ITGA3: variants seen among roughly 807,000 people sequenced by gnomAD.
ITGA3 encodes the protein integrin alpha-3.
A neutral mutation model predicts 131.1 loss-of-function variants in ITGA3; 70 were observed. The observed-to-expected ratio is 0.53, with a 90% CI of 0.44 to 0.65. The LOEUF (loss-of-function observed/expected upper bound fraction) is 0.65, where lower values mean the gene tolerates loss of function less well. Ranked by LOEUF, ITGA3 falls within the 30% of genes least tolerant of loss-of-function variation. The pLI, the probability that ITGA3 is intolerant of heterozygous loss-of-function variation, is 0.00. For synonymous variants in ITGA3, 537 were observed against 571.6 expected (o/e 0.94, Z 0.86); for missense variants, 1,098 against 1,388.6 (o/e 0.79, Z 3.33).
rs758551924 is a variant in ITGA3 at position 50,078,964 on chromosome 17, A to T, written c.2400+38A>T. The T allele has an allele frequency of 1.2e-5, 18 of 1,525,610 alleles. No homozygotes were observed. The Admixed American group carries it at 1.3e-4, about 11-fold the overall frequency. The allele number at this position is 1,525,610 out of a possible 1,614,324, so 94.5% of individuals were successfully genotyped here. The stretch of plus-strand genomic sequence containing the variant: ...CCAGAGTCCTGGGCTGGGGACTTCT[A>T]GGAAGGATTATTTTTATTTTCTCTG... On this transcript the variant is annotated intron_variant, in intron 19 of 25. Coordinates refer to ENST00000320031, the MANE Select transcript of ITGA3 (RefSeq NM_002204.4).
In ITGA3 at chr17:50,076,313, C is replaced by T. The variant is rs1908886597; in HGVS notation, c.1675-13C>T. 1 of 1,611,830 alleles carries T rather than the reference C, an allele frequency of 6.2e-7. No individual in the cohort carries two copies. The highest frequency in any genetic ancestry group is 1.3e-5 in the African/African-American group (1 of 74,966). The stretch of plus-strand genomic sequence containing the variant: ...CAGTGCAGGGCCGGGCTCAGCTCAC[C>T]CTCTCTCCCCAGGACAACCTCCGTG... On this transcript the variant is annotated splice_polypyrimidine_tract_variant and intron_variant, in intron 12 of 25. Transcript: ENST00000320031.
chr17:50,081,610 T>C (rs1276347002), intron 23 of ITGA3, among the ~76,000 whole-genome samples: 1 of 152,170 alleles, frequency 6.6e-6, no homozygotes, highest in Non-Finnish European at 1.5e-5. Context: ...CCGGGATTGC[T>C]GTGTTTAAAG....
chr17:50,056,236 G>A lies in ITGA3; in HGVS notation c.-204G>A. 2.2e-6 allele frequency: 1 copy of A among 459,168 alleles called. No individual in the cohort carries two copies. Among genetic ancestry groups the A allele is most frequent in the Non-Finnish European group, 3.8e-6 (1 of 263,698 alleles). 28.4% of individuals were successfully genotyped at this position (459,168 alleles called of 1,614,324 possible). A position where few individuals can be genotyped will look rare whatever the true frequency, so the allele number is the denominator to read the frequency against. ...CGGCCGCTGGGGAGGCAGGAAGATAGACCCACGGATCTTAGGAAGGGATCC... is the reference window on the plus strand; with the variant it reads ...CGGCCGCTGGGGAGGCAGGAAGATAAACCCACGGATCTTAGGAAGGGATCC... On this transcript the variant is annotated 5_prime_UTR_variant, in exon 1 of 26. Coordinates refer to ENST00000320031, the MANE Select transcript of ITGA3 (RefSeq NM_002204.4). This position sits in a 1 kb window ranked among gnomAD's most constrained non-coding sequence, Gnocchi z 5.6.
At chr17:50,088,821 A>G (rs1270496911) in intron 25 of ITGA3, among the ~76,000 whole-genome samples, 2 of 152,144 alleles carry the variant, frequency 1.3e-5, no homozygotes, top group Non-Finnish European at 2.9e-5. Flanking sequence ...CATTGTGGTC[A>G]GGGTAGACTG....
chr17:50,058,117 A>T (rs80126258), intron 1 of ITGA3, among the ~76,000 whole-genome samples: 190 of 152,350 alleles, frequency 1.2e-3, no homozygotes, highest in African/African-American at 3.5e-3. Context: ...GACTGGAAAG[A>T]AAGAGTCAAT....
At chr17:50,080,122 G>A (rs1909116711) in intron 21 of ITGA3, 140 bp from the exon 22 acceptor site, 3 of 574,282 alleles carry the variant, frequency 5.2e-6, no homozygotes, top group Non-Finnish European at 9.3e-6. Flanking sequence ...GGGGACGTGT[G>A]CATGAGTGAA....
In ITGA3 at chr17:50,064,763, C is replaced by G; in HGVS notation, c.414+156C>G. On this transcript the variant is annotated intron_variant, in intron 3 of 25. Transcript: ENST00000320031. The surrounding 1 kb of genome is among the most constrained non-coding windows in gnomAD (Gnocchi z 4.4). ...TTCCTGTGGCTGTGTGTCCCTCGCT[C>G]TCTGCACTCCTGGGGAGGGGGTGAG... 1.7e-6 allele frequency: 1 copy of G among 596,488 alleles called. No individual in the cohort carries two copies. Among genetic ancestry groups the G allele is most frequent in the Non-Finnish European group, 2.9e-6 (1 of 340,760 alleles). The allele number at this position is 596,488 out of a possible 1,614,324, so 36.9% of individuals were successfully genotyped here. A position where few individuals can be genotyped will look rare whatever the true frequency, so the allele number is the denominator to read the frequency against.
chr17:50,087,998 C>T (rs1909539989), intron 24 of ITGA3, 129 bp downstream of exon 24: 4 of 1,333,540 alleles, frequency 3.0e-6, no homozygotes, highest in Non-Finnish European at 4.0e-6. Context: ...CTGTCCTCTC[C>T]ACCTTCTACC....
Position 50,064,686 on chromosome 17 carries a change from G to T in ITGA3, c.414+79G>T. On this transcript the variant is annotated intron_variant, in intron 3 of 25. Transcript: ENST00000320031. The surrounding 1 kb of genome is among the most constrained non-coding windows in gnomAD (Gnocchi z 4.4). The stretch of plus-strand genomic sequence containing the variant: ...CTCCAGAGCTGGGAGGAAAGAAGAG[G>T]GCAGCAGGGGGGTCCACGGCGCGTG... 1 of 1,233,818 alleles carries T rather than the reference G, an allele frequency of 8.1e-7. No individual in the cohort carries two copies. Among genetic ancestry groups the T allele is most frequent in the South Asian group, 1.4e-5 (1 of 72,326 alleles). 76.4% of individuals were successfully genotyped at this position (1,233,818 alleles called of 1,614,324 possible). A position where few individuals can be genotyped will look rare whatever the true frequency, so the allele number is the denominator to read the frequency against.
rs1908229739 is a variant in ITGA3, at chr17:50,064,340, GC to G, written c.334+139del. The G allele has an allele frequency of 1.6e-6, 2 of 1,257,948 alleles. No homozygotes were observed. Among genetic ancestry groups the G allele is most frequent in the Non-Finnish European group, 2.2e-6 (2 of 906,722 alleles). The allele number at this position is 1,257,948 out of a possible 1,614,324, so 77.9% of individuals were successfully genotyped here. On this transcript the variant is annotated intron_variant, in intron 2 of 25. Transcript: ENST00000320031. This position sits in a 1 kb window ranked among gnomAD's most constrained non-coding sequence, Gnocchi z 4.4. ...CTTCTTGTCCAGCTGGGAAGAGGGT[GC>G]CCTAGAGGAGAGTGGGGCTGGATGG...
intron 22 of ITGA3, 60 bp downstream of exon 22, chr17:50,080,435 G>A: frequency 1.1e-6 from 1 of 951,246 alleles, no homozygotes; most frequent in Non-Finnish European, 1.6e-6. Flanking sequence ...GAACAACAGG[G>A]AGAGGGCGAG....
intron 7 of ITGA3, among the ~76,000 whole-genome samples, chr17:50,073,366 G>A (rs1908713769): frequency 1.3e-5 from 2 of 152,126 alleles, no homozygotes; most frequent in Admixed American, 6.5e-5. Flanking sequence ...ACAACTCTGG[G>A]TTTTTGGAGT....
In ITGA3 at chr17:50,071,425, G is replaced by A. The variant is rs1371976121; in HGVS notation, c.866G>A (p.Gly289Asp). 1.2e-6 allele frequency: 2 copies of A among 1,614,122 alleles called. No individual in the cohort carries two copies. Among genetic ancestry groups the A allele is most frequent in the Non-Finnish European group, 1.7e-6 (2 of 1,180,038 alleles). The change falls in exon 6 of 26, where the codon GGC becomes GAC. Residue 289 changes from glycine to aspartate, a missense_variant. Coordinates refer to ENST00000320031, the MANE Select transcript of ITGA3 (RefSeq NM_002204.4). ...GAVFLLSQEAGGDLRRRQVLE... is the reference protein window; with the variant it reads ...GAVFLLSQEADGDLRRRQVLE... ...GTGTTCTTGCTGAGCCAGGAGGCAG[G>A]CGGAGACCTGCGGAGGAGGCAGGTG...
In ITGA3 at chr17:50,064,483, G is replaced by C; in HGVS notation, c.335-45G>C. The C allele has an allele frequency of 3.8e-6, 6 of 1,569,836 alleles. No homozygotes were observed. The highest frequency in any genetic ancestry group is 1.2e-5 in the South Asian group (1 of 83,826). ...CCCTCTGGAGACTTTGGGCACTGAA[G>C]TATGGGTGAGGTGCTCTGATTCATG... On this transcript the variant is annotated intron_variant, in intron 2 of 25. Coordinates refer to ENST00000320031, the MANE Select transcript of ITGA3 (RefSeq NM_002204.4). This position sits in a 1 kb window ranked among gnomAD's most constrained non-coding sequence, Gnocchi z 4.4.
At chr17:50,059,735 A>G (rs1303735331) in intron 1 of ITGA3, among the ~76,000 whole-genome samples, 1 of 152,352 alleles carries the variant, frequency 6.6e-6, no homozygotes, top group South Asian at 2.1e-4. Flanking sequence ...CAAAGAAGGA[A>G]GAAGATCCCC....
intron 16 of ITGA3, 109 bp downstream of exon 16, chr17:50,077,556 T>G: frequency 1.1e-6 from 1 of 874,776 alleles, no homozygotes; most frequent in Non-Finnish European, 1.9e-6. Context: ...TCCCTCGAAG[T>G]GGAGAGCCAC....
At chr17:50,076,776 C>T in intron 14 of ITGA3, 95 bp downstream of exon 14, 1 of 1,276,218 alleles carries the variant, frequency 7.8e-7, no homozygotes. Context: ...GCAAGGCGAG[C>T]CCAGGGACAG....
chr17:50,076,912 A>C, intron 14 of ITGA3, 62 bp from the exon 15 acceptor site: 1 of 1,551,224 alleles, frequency 6.4e-7, no homozygotes, highest in Non-Finnish European at 8.8e-7. Context: ...GGCGGGGCCT[A>C]GTTGATCCGG....
intron 3 of ITGA3, among the ~76,000 whole-genome samples, chr17:50,067,203 T>A (rs1202798447): frequency 3.3e-5 from 5 of 152,234 alleles, no homozygotes; most frequent in Admixed American, 1.3e-4. Flanking sequence ...GGTAACATGC[T>A]GGTGGAGCTC....
Sources: allele counts gnomAD v4.1 joint callset (sites outside exome capture counted in the v4.1 genomes callset), GRCh38; gene constraint gnomAD v4.1.1; non-coding constraint Gnocchi (gnomAD v3.1); transcripts MANE v1.5; gene names NCBI Gene and HGNC (gene_info 2026-07-23, HGNC 2026-07-21).